Variants in ZCWPW2 observed in about 807,000 individuals in gnomAD.
ZCWPW2 encodes the protein zinc finger CW-type PWWP domain protein 2.
Under a neutral mutation model 46.6 loss-of-function variants are expected in ZCWPW2, and 45 were observed. That is an observed-to-expected ratio of 0.96 (90% CI 0.76 to 1.24). The LOEUF is 1.24. Among genes scored for constraint, ZCWPW2 ranks in the 50% most tolerant of loss-of-function variants. The pLI is 0.00. For missense variants in ZCWPW2, 429 were observed against 403.9 expected, an observed-to-expected ratio of 1.06 and a Z score of -0.53; for synonymous variants, 152 against 137.1, an observed-to-expected ratio of 1.11 and a Z score of -0.76.
rs1169826989 is a variant in ZCWPW2, at chr3:28,348,934, G to C, written c.-403G>C. 8.1e-6 allele frequency: 8 copies of C among 984,346 alleles called. No individual in the cohort carries two copies. The African/African-American group carries it at 1.2e-4, about 15-fold the overall frequency. 61.0% of individuals were successfully genotyped at this position (984,346 alleles called of 1,614,324 possible). A position where few individuals can be genotyped will look rare whatever the true frequency, so the allele number is the denominator to read the frequency against. The stretch of plus-strand genomic sequence containing the variant: ...TCGGGACCAGCACGGGCCGGAGGGA[G>C]GGGAAGCACTCCGGAAAGTGATTGG... On this transcript the variant is annotated 5_prime_UTR_variant, in exon 1 of 10. Transcript: ENST00000383768.
chr3:28,375,277 A>T (rs1705467052), intron 1 of ZCWPW2, among the ~76,000 whole-genome samples: 1 of 151,238 alleles, frequency 6.6e-6, no homozygotes, highest in African/African-American at 2.4e-5. Flanking sequence ...ATATATTTGG[A>T]TCATGTTTCT....
chr3:28,452,722 T>C (rs946833189), intron 4 of ZCWPW2, among the ~76,000 whole-genome samples: 3 of 152,244 alleles, frequency 2.0e-5, no homozygotes, highest in African/African-American at 7.2e-5. Flanking sequence ...TAAATGTTAG[T>C]TGTTAGTATT....
At chr3:28,385,493 G>A (rs1488718725) in intron 1 of ZCWPW2, among the ~76,000 whole-genome samples, 1 of 152,210 alleles carries the variant, frequency 6.6e-6, no homozygotes, top group Non-Finnish European at 1.5e-5. Flanking sequence ...TTGACGAGAT[G>A]TCCCAGCCCA....
At chr3:28,507,736 T>G (rs1319535326) in intron 6 of ZCWPW2, among the ~76,000 whole-genome samples, 1 of 152,196 alleles carries the variant, frequency 6.6e-6, no homozygotes, top group African/African-American at 2.4e-5. Flanking sequence ...ATTTATTCTT[T>G]AATTATTCAA....
chr3:28,485,275 T>C (rs927390912), intron 5 of ZCWPW2, among the ~76,000 whole-genome samples: 4 of 152,160 alleles, frequency 2.6e-5, no homozygotes, highest in Non-Finnish European at 5.9e-5. Context: ...CATTGTATTA[T>C]ATCTATTCTT....
At chr3:28,511,136 A>G (rs1455925658) in intron 6 of ZCWPW2, 4 of 443,750 alleles carry the variant, frequency 9.0e-6, no homozygotes, top group South Asian at 3.2e-5. Flanking sequence ...AGGTAAATGT[A>G]TGACAATCTG....
chr3:28,377,228 C>T (rs1559479365), intron 1 of ZCWPW2, among the ~76,000 whole-genome samples: 1 of 152,026 alleles, frequency 6.6e-6, no homozygotes. Flanking sequence ...TTCATTTTTG[C>T]ATCATGCAAT....
chr3:28,436,716 A>C (rs1468721824), intron 4 of ZCWPW2, among the ~76,000 whole-genome samples: 1 of 152,138 alleles, frequency 6.6e-6, no homozygotes, highest in Non-Finnish European at 1.5e-5. Context: ...ACACCATATA[A>C]ATCAATTTCA....
At chr3:28,501,509 A>C (rs984807948) in intron 6 of ZCWPW2, among the ~76,000 whole-genome samples, 1 of 152,132 alleles carries the variant, frequency 6.6e-6, no homozygotes, top group Admixed American at 6.6e-5. Flanking sequence ...TATAAATTTT[A>C]TTTAGCCAAC....
rs976139745 is a variant in ZCWPW2, at chr3:28,526,280, CTGTTA to C, written c.*1594_*1598del. 6.6e-6 allele frequency among the ~76,000 whole-genome samples: 1 copy of C among 152,048 alleles called. No homozygotes were observed. The highest frequency in any genetic ancestry group is 1.5e-5 in the Non-Finnish European group (1 of 67,982). On this transcript the variant is annotated 3_prime_UTR_variant, in exon 10 of 10. Coordinates refer to ENST00000383768, the MANE Select transcript of ZCWPW2 (RefSeq NM_001040432.4). ...ACATTTGAAATGATCAGTTTTCTTT[CTGTTA>C]TATCATTTAATCTACTACTCATCAA...
chr3:28,438,217 G>A (rs1304926043), intron 4 of ZCWPW2, among the ~76,000 whole-genome samples: 1 of 152,184 alleles, frequency 6.6e-6, no homozygotes, highest in East Asian at 1.9e-4. Flanking sequence ...GAAAGGGGCA[G>A]CTAGCTACTG....
At chr3:28,445,711 G>T (rs1373885791) in intron 4 of ZCWPW2, among the ~76,000 whole-genome samples, 1 of 151,984 alleles carries the variant, frequency 6.6e-6, no homozygotes, top group Admixed American at 6.6e-5. Context: ...TATTTAAATG[G>T]GTTAAACTCC....
intron 4 of ZCWPW2, chr3:28,461,116 T>G (rs531452623): frequency 1.2e-3 from 213 of 170,798 alleles, no homozygotes; most frequent in African/African-American, 4.5e-3. Context: ...TTTTCCAGAT[T>G]TTAAATATAT....
At chr3:28,506,186 G>A (rs1700273620) in intron 6 of ZCWPW2, among the ~76,000 whole-genome samples, 1 of 149,950 alleles carries the variant, frequency 6.7e-6, no homozygotes, top group African/African-American at 2.4e-5. Context: ...ACTCAACAAG[G>A]AAAGCATTAA....
chr3:28,506,945 A>G (rs1030770382), intron 6 of ZCWPW2, among the ~76,000 whole-genome samples: 7 of 152,170 alleles, frequency 4.6e-5, no homozygotes, highest in African/African-American at 1.7e-4. Context: ...ACTTTGAGGT[A>G]GATATTTTTT....
chr3:28,411,580 A>G (rs1235362411), intron 2 of ZCWPW2, among the ~76,000 whole-genome samples: 1 of 152,090 alleles, frequency 6.6e-6, no homozygotes, highest in Non-Finnish European at 1.5e-5. Flanking sequence ...GTTGTTACAC[A>G]CACACACTTC....
intron 1 of ZCWPW2, among the ~76,000 whole-genome samples, chr3:28,365,815 T>C (rs1320620749): frequency 3.5e-5 from 5 of 141,296 alleles, no homozygotes; most frequent in African/African-American, 1.3e-4. Flanking sequence ...TATCCTCTTT[T>C]ATTTCGTTGA....
intron 1 of ZCWPW2, among the ~76,000 whole-genome samples, chr3:28,377,693 A>G (rs1705547274): frequency 6.6e-6 from 1 of 151,992 alleles, no homozygotes; most frequent in Non-Finnish European, 1.5e-5. Flanking sequence ...TATCCATATA[A>G]TTTTTTATTT....
intron 1 of ZCWPW2, among the ~76,000 whole-genome samples, chr3:28,359,446 G>A (rs1159035744): frequency 2.6e-5 from 4 of 151,952 alleles, no homozygotes; most frequent in African/African-American, 9.7e-5. Context: ...TAACTTACTT[G>A]ACAAAAATAG....
Sources: gnomAD v4.1 joint callset for allele counts (sites outside exome capture counted in the v4.1 genomes callset) on GRCh38, gnomAD v4.1.1 for gene constraint, MANE v1.5 for transcripts, NCBI Gene and HGNC (gene_info 2026-07-23, HGNC 2026-07-21) for gene names.